The following CSMD1 variants were observed in gnomAD, a reference collection of about 807,000 sequenced individuals.
CSMD1 encodes the protein CUB and Sushi multiple domains 1.
CSMD1 carries 213 observed loss-of-function variants against 417.5 expected under a neutral mutation model. The ratio of observed to expected loss-of-function variants is 0.51; its 90% CI spans 0.46 to 0.57. CSMD1 has a LOEUF of 0.57. Among genes scored for constraint, CSMD1 ranks in the 20% least tolerant of loss-of-function variants. CSMD1 has a pLI of 0.00. For missense variants in CSMD1, 6,923 were observed against 4,529.7 expected, an observed-to-expected ratio of 1.53 and a Z score of -15.17; for synonymous variants, 2,862 against 1,736.8, an observed-to-expected ratio of 1.65 and a Z score of -16.11.
At chr8:3,689,024 T>G (rs867512908) in intron 7 of CSMD1, among the ~76,000 whole-genome samples, 2 of 152,198 alleles carry the variant, frequency 1.3e-5, no homozygotes, top group South Asian at 2.1e-4. Flanking sequence ...TATTCTGATT[T>G]TATAAGCAGG....
chr8:4,577,730 C>G (rs1471826257), intron 2 of CSMD1, among the ~76,000 whole-genome samples: 4 of 152,200 alleles, frequency 2.6e-5, no homozygotes, highest in African/African-American at 7.2e-5. Context: ...ACAGTGTTTT[C>G]ATGGGTATGC....
chr8:4,610,665 C>CGA (rs1585327298), intron 2 of CSMD1, among the ~76,000 whole-genome samples: 1 of 152,020 alleles, frequency 6.6e-6, no homozygotes, highest in East Asian at 1.9e-4. Context: ...TTAATTCATC[C>CGA]CATGAATTAG....
intron 5 of CSMD1, among the ~76,000 whole-genome samples, chr8:3,971,380 C>G (rs937707792): frequency 2.6e-5 from 4 of 152,126 alleles, no homozygotes; most frequent in Non-Finnish European, 4.4e-5. Flanking sequence ...TAAATGACGA[C>G]TGTCCCTATT....
At chr8:4,074,366 A>T (rs987833417) in intron 3 of CSMD1, among the ~76,000 whole-genome samples, 2 of 152,154 alleles carry the variant, frequency 1.3e-5, no homozygotes, top group African/African-American at 4.8e-5. Context: ...TTTAGTCCAT[A>T]AATGATAGCA....
Position 3,378,972 on chromosome 8 carries a change from T to A in CSMD1, c.2782+8522A>T, listed in dbSNP as rs563575896. ...AAGTCAAATTGTCTCTGTTTGGAGA[T>A]GACATGATTGTATATTTAGAAAACC... On this transcript the variant is annotated intron_variant, in intron 18 of 69. Transcript: ENST00000635120. 6.6e-5 allele frequency among the ~76,000 whole-genome samples: 10 copies of A among 152,334 alleles called. No individual in the cohort carries two copies. In the East Asian group the frequency reaches 1.7e-3, roughly 26 times the overall value.
intron 1 of CSMD1, among the ~76,000 whole-genome samples, chr8:4,922,586 A>C (rs1052498420): frequency 6.6e-6 from 1 of 152,188 alleles, no homozygotes; most frequent in African/African-American, 2.4e-5. Flanking sequence ...TATAAAAGCT[A>C]TTGATAGCGC....
chr8:4,725,867 C>A (rs912308178), intron 1 of CSMD1, among the ~76,000 whole-genome samples: 2 of 152,156 alleles, frequency 1.3e-5, no homozygotes, highest in African/African-American at 4.8e-5. Flanking sequence ...TACCCTCCGA[C>A]ATCTTGTAGA....
chr8:4,250,879 C>T (rs1248967406), intron 3 of CSMD1, among the ~76,000 whole-genome samples: 1 of 152,080 alleles, frequency 6.6e-6, no homozygotes, highest in Non-Finnish European at 1.5e-5. Context: ...TTCCTACTAC[C>T]CTGATGAAAA....
intron 5 of CSMD1, among the ~76,000 whole-genome samples, chr8:3,986,756 G>A (rs968119676): frequency 7.6e-6 from 1 of 132,094 alleles, no homozygotes; most frequent in African/African-American, 2.9e-5. Context: ...CAATGTTTAA[G>A]TGATTTTTCT....
chr8:3,365,950 A>C (rs1809536753), intron 20 of CSMD1, among the ~76,000 whole-genome samples: 1 of 152,214 alleles, frequency 6.6e-6, no homozygotes, highest in African/African-American at 2.4e-5. Flanking sequence ...CTTTCTACCA[A>C]GATCTTCAGT....
chr8:3,673,621 T>G (rs1022229152), intron 7 of CSMD1, among the ~76,000 whole-genome samples: 2 of 152,232 alleles, frequency 1.3e-5, no homozygotes, highest in Non-Finnish European at 2.9e-5. Context: ...TCAGCCTGTT[T>G]GACCTAACGG....
intron 3 of CSMD1, among the ~76,000 whole-genome samples, chr8:4,136,387 T>G (rs1455053640): frequency 1.3e-5 from 2 of 152,170 alleles, no homozygotes; most frequent in African/African-American, 4.8e-5. Flanking sequence ...GCCTGCAACT[T>G]GACTGGAGGG....
At chr8:4,200,816 C>G (rs1394492855) in intron 3 of CSMD1, among the ~76,000 whole-genome samples, 1 of 152,164 alleles carries the variant, frequency 6.6e-6, no homozygotes, top group East Asian at 1.9e-4. Flanking sequence ...TATTGTTAGG[C>G]CACTGCACTC....
intron 7 of CSMD1, among the ~76,000 whole-genome samples, chr8:3,622,785 C>A (rs902480135): frequency 1.2e-5 from 1 of 82,172 alleles, no homozygotes; most frequent in African/African-American, 5.5e-5. Flanking sequence ...TAAATCCCAA[C>A]TATGTATTCC....
chr8:3,647,215 A>T (rs545177892), intron 7 of CSMD1, among the ~76,000 whole-genome samples: 5 of 152,190 alleles, frequency 3.3e-5, no homozygotes, highest in Non-Finnish European at 7.3e-5. Context: ...CTTTAAAAAT[A>T]TCTATGCTGT....
intron 3 of CSMD1, among the ~76,000 whole-genome samples, chr8:4,158,706 C>T (rs1424855098): frequency 6.6e-6 from 1 of 152,054 alleles, no homozygotes. Flanking sequence ...CCTAAACCAC[C>T]CCATTCAGTC....
chr8:4,139,147 C>T (rs1803621832), intron 3 of CSMD1, among the ~76,000 whole-genome samples: 1 of 152,132 alleles, frequency 6.6e-6, no homozygotes, highest in African/African-American at 2.4e-5. Flanking sequence ...CCATTTCCTA[C>T]TGGTTTTATC....
intron 15 of CSMD1, among the ~76,000 whole-genome samples, chr8:3,399,838 G>A (rs925537748): frequency 2.0e-5 from 3 of 152,034 alleles, no homozygotes; most frequent in African/African-American, 4.8e-5. Flanking sequence ...GTACATGCCC[G>A]GTTATCTATA....
intron 3 of CSMD1, among the ~76,000 whole-genome samples, chr8:4,052,908 C>A (rs1341551806): frequency 6.6e-6 from 1 of 152,082 alleles, no homozygotes; most frequent in South Asian, 2.1e-4. Context: ...GCCAGACGTA[C>A]TGAACTAGGC....
Sources: allele counts gnomAD v4.1 joint callset (sites outside exome capture counted in the v4.1 genomes callset), GRCh38; gene constraint gnomAD v4.1.1; transcripts MANE v1.5; gene names NCBI Gene and HGNC (gene_info 2026-07-23, HGNC 2026-07-21).